SPAG9: variants seen among roughly 807,000 people sequenced by gnomAD.
The protein encoded by SPAG9 is sperm associated antigen 9.
In SPAG9, 35 loss-of-function variants were observed where a neutral mutation model predicts 166.5. That is an observed-to-expected ratio of 0.21 (90% CI 0.16 to 0.28). SPAG9 has a LOEUF of 0.28. Ranked by LOEUF, SPAG9 falls within the 10% of genes least tolerant of loss-of-function variation. The pLI, the probability that SPAG9 is intolerant of heterozygous loss-of-function variation, is 1.00. For synonymous variants in SPAG9, 534 were observed against 565.5 expected (o/e 0.94, Z 0.79); for missense variants, 1,235 against 1,603.3 (o/e 0.77, Z 3.92).
intron 8 of SPAG9, among the ~76,000 whole-genome samples, chr17:51,018,320 G>A (rs2045787760): frequency 6.6e-6 from 1 of 151,406 alleles, no homozygotes; most frequent in Non-Finnish European, 1.5e-5. Context: ...AGCTGAGATA[G>A]CACCACTGCA....
chr17:50,971,000 A>G lies in SPAG9; in HGVS notation c.3701-144T>C, dbSNP rs116028323. On this transcript the variant is annotated intron_variant, in intron 28 of 29. Transcript: ENST00000262013. The stretch of plus-strand genomic sequence containing the variant: ...TACTGGGGAAGCTAGAAGGCTCTGC[A>G]TGATCAGAAAACATTTACATGAAGG... 5.7e-4 allele frequency: 390 copies of G among 685,694 alleles called. 1 individual carries two copies. In the African/African-American group the frequency reaches 5.7e-3, roughly 10 times the overall value. 42.5% of individuals were successfully genotyped at this position (685,694 alleles called of 1,614,324 possible).
At chr17:51,090,210 C>G (rs1000572208) in intron 1 of SPAG9, among the ~76,000 whole-genome samples, 1 of 151,884 alleles carries the variant, frequency 6.6e-6, no homozygotes, top group Non-Finnish European at 1.5e-5. Context: ...ATTCACAAAG[C>G]GAGTAAAAAA....
chr17:50,987,000 T>C, intron 22 of SPAG9, 112 bp downstream of exon 22: 2 of 1,035,876 alleles, frequency 1.9e-6, no homozygotes, highest in South Asian at 1.6e-5. Context: ...TATATAAAAT[T>C]CTTTGCATTA....
In SPAG9 at chr17:51,014,268, G is replaced by C. The variant is rs761303681; in HGVS notation, c.1177C>G (p.Leu393Val). Residue 393 changes from leucine (L) to valine (V), a missense_variant, in exon 9 of 30, where the codon CTA (leucine) becomes GTA (valine). By Grantham distance (32) the Leu-to-Val change is conservative. This residue lies in a region of SPAG9 where 288 missense variants were observed against 323.7 expected (regional missense o/e 0.89). Transcript: ENST00000262013. The part of the protein sequence containing the change: ...FEELSSAGSG[L>V]IGDVDEGADL... ...GCTCCTTCATCCACATCTCCTATTA[G>C]GCCTGAGCCAGCTGAAGACAGTTCT... The C allele has an allele frequency of 6.2e-7, 1 of 1,613,136 alleles. No individual in the cohort carries two copies. The highest frequency in any genetic ancestry group is 1.1e-5 in the South Asian group (1 of 90,968).
chr17:51,009,608 G>T (rs1255566377), intron 9 of SPAG9, among the ~76,000 whole-genome samples: 3 of 152,078 alleles, frequency 2.0e-5, no homozygotes, highest in African/African-American at 7.3e-5. Context: ...GAATTTCCTT[G>T]TATTGTACTT....
At chr17:51,066,554 C>CAAAAAAA (rs1297678240) in intron 2 of SPAG9, among the ~76,000 whole-genome samples, 29 of 21,264 alleles carry the variant, frequency 1.4e-3, no homozygotes, top group East Asian at 3.5e-3. Flanking sequence ...GACTCTGTCT[C>CAAAAAAA]AAAAAAAAAA....
rs1203887399 is a variant in SPAG9, at chr17:50,987,154, C to T, written c.2897G>A (p.Ser966Asn). ...DLVREEAQKM[S>N]SLLPTMWLGA... ...AAGCCACATAGTTGGTAAAAGACTA[C>T]TCATTTTCTGGGCTTCTTCTCTCAC... The change falls in exon 22 of 30, where the codon AGT becomes AAT. Residue 966 changes from serine to asparagine, a missense_variant. Ser to Asn is a conservative substitution (Grantham distance 46). Transcript: ENST00000262013. The T allele has an allele frequency of 5.0e-6, 8 of 1,613,446 alleles. No homozygotes were observed. The South Asian group carries it at 6.6e-5, about 13-fold the overall frequency.
rs1328436918 is a variant in SPAG9 at position 50,982,042 on chromosome 17, A to C, written c.3237+482T>G. 3.9e-5 allele frequency among the ~76,000 whole-genome samples: 6 copies of C among 152,008 alleles called. No individual in the cohort carries two copies. The East Asian group carries it at 1.2e-3, about 29-fold the overall frequency. ...AGCAAGACTCTGTCTCAGAAAAAAA[A>C]AAAAGAAAAAAGAAAAAAAGAAAAT... is the stretch of plus-strand genomic sequence containing the variant. On this transcript the variant is annotated intron_variant, in intron 25 of 29. Coordinates refer to ENST00000262013, the MANE Select transcript of SPAG9 (RefSeq NM_001130528.3).
At chr17:50,986,078 C>T (rs115776672) in intron 22 of SPAG9, among the ~76,000 whole-genome samples, 240 of 152,326 alleles carry the variant, frequency 1.6e-3, no homozygotes, top group African/African-American at 5.5e-3. Context: ...TTTGAATTGC[C>T]TTACCTCTCT....
chr17:51,112,891 C>G (rs1204755461), intron 1 of SPAG9, among the ~76,000 whole-genome samples: 2 of 148,224 alleles, frequency 1.3e-5, no homozygotes, highest in East Asian at 4.0e-4. Context: ...GTGGGATCTA[C>G]TTGAGCCCTG....
At chr17:51,096,737 T>C (rs1245690841) in intron 1 of SPAG9, among the ~76,000 whole-genome samples, 1 of 152,136 alleles carries the variant, frequency 6.6e-6, no homozygotes, top group Non-Finnish European at 1.5e-5. Flanking sequence ...CATATGTATA[T>C]CAACATGGAC....
At chr17:50,998,765 G>A (rs1043834910) in intron 14 of SPAG9, 148 bp from the exon 15 acceptor site, 1 of 646,992 alleles carries the variant, frequency 1.5e-6, no homozygotes, top group Non-Finnish European at 2.6e-6. Context: ...GTAGTCATAC[G>A]CTGTAGCCTT....
intron 8 of SPAG9, among the ~76,000 whole-genome samples, chr17:51,018,559 C>T (rs1377252805): frequency 6.6e-6 from 1 of 152,106 alleles, no homozygotes; most frequent in East Asian, 1.9e-4. Context: ...TTTTAAATCA[C>T]ATTTATTTAG....
chr17:51,064,141 A>G (rs2047596958), intron 2 of SPAG9, among the ~76,000 whole-genome samples: 1 of 152,158 alleles, frequency 6.6e-6, no homozygotes, highest in East Asian at 1.9e-4. Context: ...TATCTTTCCC[A>G]TTAAAATTAA....
chr17:51,048,132 GA>G (rs1174142062), intron 3 of SPAG9, among the ~76,000 whole-genome samples: 1 of 151,966 alleles, frequency 6.6e-6, no homozygotes, highest in African/African-American at 2.4e-5. Flanking sequence ...AATACTTTTT[GA>G]GTCTTAGATA....
intron 26 of SPAG9, among the ~76,000 whole-genome samples, chr17:50,978,247 G>A (rs556166707): frequency 6.6e-6 from 1 of 152,324 alleles, no homozygotes; most frequent in East Asian, 1.9e-4. Context: ...GTGTTAGAAG[G>A]AGGCTTAATT....
intron 8 of SPAG9, among the ~76,000 whole-genome samples, chr17:51,018,085 T>C (rs750328415): frequency 1.3e-5 from 2 of 152,134 alleles, no homozygotes; most frequent in Non-Finnish European, 2.9e-5. Context: ...AGATGATATC[T>C]AATCTCCCAG....
intron 27 of SPAG9, among the ~76,000 whole-genome samples, chr17:50,975,572 A>G (rs1157781489): frequency 6.6e-6 from 1 of 152,216 alleles, no homozygotes; most frequent in Non-Finnish European, 1.5e-5. Flanking sequence ...AGAGTAAACG[A>G]TGTAAATTAA....
chr17:51,001,682 G>A (rs1246734187), intron 13 of SPAG9, 33 bp downstream of exon 13: 1 of 1,590,384 alleles, frequency 6.3e-7, no homozygotes, highest in South Asian at 1.1e-5. Context: ...CAAAATAATA[G>A]TAGGAAAATA....
Sources: allele counts gnomAD v4.1 joint callset (sites outside exome capture counted in the v4.1 genomes callset), GRCh38; gene constraint gnomAD v4.1.1; regional missense constraint gnomAD v4.1.1; transcripts MANE v1.5; gene names NCBI Gene and HGNC (gene_info 2026-07-23, HGNC 2026-07-21).